The following PPP1R14C variants were observed in gnomAD, a reference collection of about 807,000 sequenced individuals.
The protein encoded by PPP1R14C is protein phosphatase 1 regulatory inhibitor subunit 14C, also known as protein phosphatase 1 regulatory subunit 14C.
Under a neutral mutation model 20.4 loss-of-function variants are expected in PPP1R14C, and 16 were observed. That is an observed-to-expected ratio of 0.78 (90% CI 0.53 to 1.19). The LOEUF is 1.19. Among genes scored for constraint, PPP1R14C ranks in the 50% most tolerant of loss-of-function variants. The pLI, the probability that PPP1R14C is intolerant of heterozygous loss-of-function variation, is 0.00. For missense variants in PPP1R14C, 211 were observed against 220.1 expected, an observed-to-expected ratio of 0.96 and a Z score of 0.26; for synonymous variants, 91 against 91.0, an observed-to-expected ratio of 1.00 and a Z score of 0.00.
At chr6:150,149,455 C>CTTTTTTTTTTTTTTTTTTTTTT (rs869244401) in intron 1 of PPP1R14C, among the ~76,000 whole-genome samples, 4 of 35,478 alleles carry the variant, frequency 1.1e-4, no homozygotes, top group Non-Finnish European at 1.8e-4. Context: ...TTTTTTTTTT[C>CTTTTTTTTTTTTTTTTTTTTTT]TTTTTTTTTT....
chr6:150,184,052 G>A (rs146380790), intron 1 of PPP1R14C, among the ~76,000 whole-genome samples: 100 of 152,302 alleles, frequency 6.6e-4, no homozygotes, highest in Non-Finnish European at 1.2e-3. Context: ...TGACAACCCC[G>A]TGAGCTAATC....
At chr6:150,225,733 C>T (rs572452241) in intron 3 of PPP1R14C, among the ~76,000 whole-genome samples, 1 of 152,184 alleles carries the variant, frequency 6.6e-6, no homozygotes, top group African/African-American at 2.4e-5. Context: ...TAGAAGTGTT[C>T]TGTAATTTGC....
At position 150,208,336 on chromosome 6, in the gene PPP1R14C, T is replaced by C. The variant is rs149978172; in HGVS notation, c.307-6408T>C. ...ACTGACATTAATTCTCTATCTTCCA[T>C]GTGTGGCCTGGTTTTCTTCTGAAAG... On this transcript the variant is annotated intron_variant, in intron 1 of 3. Coordinates refer to ENST00000361131, the MANE Select transcript of PPP1R14C (RefSeq NM_030949.3). 6.1e-3 allele frequency among the ~76,000 whole-genome samples: 922 copies of C among 152,288 alleles called. 5 individuals are homozygous for C. Among genetic ancestry groups the C allele is most frequent in the Non-Finnish European group, 0.011 (735 of 68,028 alleles).
At chr6:150,220,144 C>T (rs1296738624) in intron 3 of PPP1R14C, among the ~76,000 whole-genome samples, 2 of 152,148 alleles carry the variant, frequency 1.3e-5, no homozygotes, top group African/African-American at 2.4e-5. Context: ...CAAGAGCCAC[C>T]GCGCCCGGCC....
rs191466293 is a variant in PPP1R14C, at chr6:150,243,076, A to G, written c.424-5670A>G. On this transcript the variant is annotated intron_variant, in intron 3 of 3. Coordinates refer to ENST00000361131, the MANE Select transcript of PPP1R14C (RefSeq NM_030949.3). ...ATGTCCATGGGTGAGAGGATTCATT[A>G]GTGTTGAGATGTCAGTTCTCCCCAA... Among the ~76,000 whole-genome samples the G allele has an allele frequency of 6.1e-3, 934 of 152,046 alleles. 2 individuals are homozygous for G. The highest frequency in any genetic ancestry group is 9.8e-3 in the Non-Finnish European group (664 of 67,972).
intron 3 of PPP1R14C, among the ~76,000 whole-genome samples, chr6:150,217,193 G>GTTTTTTT (rs201443446): frequency 6.7e-6 from 1 of 148,748 alleles, no homozygotes; most frequent in Non-Finnish European, 1.5e-5. Flanking sequence ...TTATTGGTAT[G>GTTTTTTT]TATTTTTTTT....
intron 1 of PPP1R14C, among the ~76,000 whole-genome samples, chr6:150,175,464 A>G (rs531641593): frequency 6.6e-6 from 1 of 152,276 alleles, no homozygotes; most frequent in South Asian, 2.1e-4. Flanking sequence ...TGGGAAAGTG[A>G]ATCTGTTAAT....
At chr6:150,160,420 A>T (rs1343552832) in intron 1 of PPP1R14C, among the ~76,000 whole-genome samples, 1 of 134,164 alleles carries the variant, frequency 7.5e-6, no homozygotes, top group Non-Finnish European at 1.6e-5. Flanking sequence ...GCCGACCACC[A>T]CACCCAGCTA....
chr6:150,202,580 T>A (rs1314149137), intron 1 of PPP1R14C, among the ~76,000 whole-genome samples: 1 of 152,228 alleles, frequency 6.6e-6, no homozygotes, highest in Non-Finnish European at 1.5e-5. Context: ...TTGCCGCTCC[T>A]TTGCCGCCGG....
At chr6:150,188,830 A>T (rs12210469) in intron 1 of PPP1R14C, among the ~76,000 whole-genome samples, 1 of 148,510 alleles carries the variant, frequency 6.7e-6, no homozygotes, top group Non-Finnish European at 1.5e-5. Context: ...AGGATTTTTT[A>T]TTTTTTTATT....
In PPP1R14C at chr6:150,152,081, A is replaced by C. The variant is rs888784321; in HGVS notation, c.306+8583A>C. Among the ~76,000 whole-genome samples, 56 of 147,848 alleles carry C rather than the reference A, an allele frequency of 3.8e-4. No homozygotes were observed. The South Asian group carries it at 5.9e-3, about 15-fold the overall frequency. ...CTTGCAGTGAGCCGAGATCCCGCCA[A>C]TGCACTCCAGCCTGGGCGACAGAGC... On this transcript the variant is annotated intron_variant, in intron 1 of 3. Transcript: ENST00000361131.
rs982524983 is a variant in PPP1R14C at position 150,250,246 on chromosome 6, G to A, written c.*1426G>A. On this transcript the variant is annotated 3_prime_UTR_variant, in exon 4 of 4. Coordinates refer to ENST00000361131, the MANE Select transcript of PPP1R14C (RefSeq NM_030949.3). Reference sequence around the variant, plus strand: ...ATATTTTATTTTTTAAAAAAACTATGTTTGTGAATTTTGCGTATACTGGCA... The same window carrying A: ...ATATTTTATTTTTTAAAAAAACTATATTTGTGAATTTTGCGTATACTGGCA... 7 of 152,624 alleles carry A rather than the reference G, an allele frequency of 4.6e-5. No homozygotes were observed. Among genetic ancestry groups the A allele is most frequent in the African/African-American group, 1.7e-4 (7 of 41,454 alleles). The allele number at this position is 152,624 out of a possible 1,614,324, so 9.5% of individuals were successfully genotyped here.
chr6:150,223,410 G>A (rs1778193422), intron 3 of PPP1R14C, among the ~76,000 whole-genome samples: 2 of 152,178 alleles, frequency 1.3e-5, no homozygotes, highest in Admixed American at 6.5e-5. Flanking sequence ...TTTAGGTTTT[G>A]TAAGAATCTG....
At chr6:150,241,570 T>C (rs1778430956) in intron 3 of PPP1R14C, among the ~76,000 whole-genome samples, 1 of 152,080 alleles carries the variant, frequency 6.6e-6, no homozygotes, top group Non-Finnish European at 1.5e-5. Context: ...AGCATCTAAC[T>C]CTAACGCCAG....
intron 1 of PPP1R14C, among the ~76,000 whole-genome samples, chr6:150,148,989 G>A (rs566211327): frequency 5.3e-5 from 8 of 152,068 alleles, no homozygotes; most frequent in African/African-American, 1.7e-4. Context: ...ACCTGAGCCC[G>A]GGGAGGTTAA....
intron 1 of PPP1R14C, chr6:150,196,153 C>T: frequency 1.0e-6 from 1 of 981,242 alleles, no homozygotes; most frequent in Non-Finnish European, 1.2e-6. Context: ...TGTTGTTAAG[C>T]CTTCTGAGCT....
Position 150,249,359 on chromosome 6 carries a change from A to G in PPP1R14C, c.*539A>G. ...GGAGGTCCCAGCACATGTGTTTTCAAGAGGCCACTAGGCATTCTTCACTGA... is the reference window on the plus strand; with the variant it reads ...GGAGGTCCCAGCACATGTGTTTTCAGGAGGCCACTAGGCATTCTTCACTGA... On this transcript the variant is annotated 3_prime_UTR_variant, in exon 4 of 4. Transcript: ENST00000361131. The G allele has an allele frequency of 1.3e-5, 5 of 398,990 alleles. No individual in the cohort carries two copies. Among genetic ancestry groups the G allele is most frequent in the Non-Finnish European group, 2.2e-5 (5 of 226,094 alleles). 24.7% of individuals were successfully genotyped at this position (398,990 alleles called of 1,614,324 possible).
intron 1 of PPP1R14C, among the ~76,000 whole-genome samples, chr6:150,197,406 C>T (rs912535256): frequency 1.1e-4 from 17 of 152,332 alleles, no homozygotes; most frequent in Non-Finnish European, 2.2e-4. Flanking sequence ...AGCTCTGGCT[C>T]CAGAGGGCAC....
chr6:150,216,053 G>A (rs952773793), intron 2 of PPP1R14C, among the ~76,000 whole-genome samples: 12 of 152,200 alleles, frequency 7.9e-5, no homozygotes, highest in African/African-American at 1.9e-4. Context: ...AAGGAAAACC[G>A]GAAAGGGGGA....
Sources: allele counts gnomAD v4.1 joint callset (sites outside exome capture counted in the v4.1 genomes callset), GRCh38; gene constraint gnomAD v4.1.1; transcripts MANE v1.5; gene names NCBI Gene and HGNC (gene_info 2026-07-23, HGNC 2026-07-21).